The following SCML4 variants were observed in gnomAD, a reference collection of about 807,000 sequenced individuals.
The protein encoded by SCML4 is sex comb on midleg-like protein 4.
A neutral mutation model predicts 41.1 loss-of-function variants in SCML4; 34 were observed. The observed-to-expected ratio is 0.83, with a 90% CI of 0.63 to 1.10. The LOEUF (loss-of-function observed/expected upper bound fraction) is 1.10, where lower values mean the gene tolerates loss of function less well. Ranked by LOEUF, SCML4 falls within the 50% of genes least tolerant of loss-of-function variation. The pLI, the probability that SCML4 is intolerant of heterozygous loss-of-function variation, is 0.00. For missense variants in SCML4, 522 were observed against 534.1 expected, an observed-to-expected ratio of 0.98 and a Z score of 0.22; for synonymous variants, 214 against 220.9, an observed-to-expected ratio of 0.97 and a Z score of 0.28.
At chr6:107,724,242 C>G (rs1775730128) in intron 5 of SCML4, among the ~76,000 whole-genome samples, 1 of 152,118 alleles carries the variant, frequency 6.6e-6, no homozygotes, top group South Asian at 2.1e-4. Flanking sequence ...CCCCCAAGAT[C>G]AGGAACAAAA....
At chr6:107,732,197 C>T (rs1252058201) in intron 5 of SCML4, 1 of 152,314 alleles carries the variant, frequency 6.6e-6, no homozygotes, top group Non-Finnish European at 1.5e-5. Context: ...AAACTCAGTC[C>T]CGCCCCTTGT....
At chr6:107,817,867 T>G (rs889064470) in intron 1 of SCML4, among the ~76,000 whole-genome samples, 1 of 152,098 alleles carries the variant, frequency 6.6e-6, no homozygotes, top group African/African-American at 2.4e-5. Flanking sequence ...GAGCTTATAC[T>G]CACCTGGTCT....
At chr6:107,809,787 G>C (rs1784022875) in intron 1 of SCML4, among the ~76,000 whole-genome samples, 2 of 152,150 alleles carry the variant, frequency 1.3e-5, no homozygotes, top group African/African-American at 4.8e-5. Flanking sequence ...TTCAAAACCA[G>C]AACGCAGGTA....
upstream of SCML4, among the ~76,000 whole-genome samples, chr6:107,825,772 C>T (rs909322278): frequency 6.6e-6 from 1 of 151,196 alleles, no homozygotes; most frequent in Non-Finnish European, 1.5e-5. Flanking sequence ...CCCGTCTCTA[C>T]TAAAAATACA....
chr6:107,765,736 G>A (rs761983316), intron 2 of SCML4, among the ~76,000 whole-genome samples: 14 of 152,106 alleles, frequency 9.2e-5, no homozygotes, highest in Non-Finnish European at 2.1e-4. Context: ...ATTTCCAAGG[G>A]TTTGCTGCTG....
chr6:107,809,366 T>C (rs1177378139), intron 1 of SCML4, among the ~76,000 whole-genome samples: 3 of 152,190 alleles, frequency 2.0e-5, no homozygotes, highest in Admixed American at 1.3e-4. Context: ...AACTGCATCT[T>C]ATAAAGATAA....
intron 6 of SCML4, among the ~76,000 whole-genome samples, chr6:107,717,838 G>A (rs192654185): frequency 2.6e-5 from 4 of 152,336 alleles, no homozygotes; most frequent in African/African-American, 4.8e-5. Context: ...ATGAACCATC[G>A]TGCCTGGCTG....
intron 5 of SCML4, among the ~76,000 whole-genome samples, chr6:107,735,671 C>G (rs1436304452): frequency 1.3e-5 from 2 of 151,742 alleles, no homozygotes; most frequent in Non-Finnish European, 2.9e-5. Context: ...TGGTGGCAGG[C>G]TCCTGTAATC....
chr6:107,810,457 G>T (rs6938963), intron 1 of SCML4, among the ~76,000 whole-genome samples: 4,077 of 152,238 alleles, frequency 0.027, 147 homozygotes, highest in African/African-American at 0.083. Flanking sequence ...GTGGGAGCCA[G>T]AAAGGAAGAG....
At chr6:107,720,292 C>A (rs763539752) in intron 6 of SCML4, 34 of 823,932 alleles carry the variant, frequency 4.1e-5, no homozygotes, top group Non-Finnish European at 5.0e-5. Flanking sequence ...TTCTCCACAC[C>A]TTCTTTCCCT....
chr6:107,739,401 C>T (rs895380267), intron 5 of SCML4, among the ~76,000 whole-genome samples: 6 of 152,098 alleles, frequency 3.9e-5, no homozygotes, highest in Non-Finnish European at 5.9e-5. Context: ...CATCCCAGTT[C>T]TTTCCATAGT....
chr6:107,735,823 C>A (rs1777015530), intron 5 of SCML4, among the ~76,000 whole-genome samples: 1 of 151,370 alleles, frequency 6.6e-6, no homozygotes, highest in African/African-American at 2.4e-5. Flanking sequence ...AAATTATCAT[C>A]TTTACCATTT....
At chr6:107,746,493 TC>T in intron 4 of SCML4, 195 bp downstream of exon 4, 1 of 499,442 alleles carries the variant, frequency 2.0e-6, no homozygotes, top group Non-Finnish European at 3.5e-6. Context: ...AATCCAGTCT[TC>T]TTACCCGGGC....
At chr6:107,776,040 A>G (rs966824101) in intron 1 of SCML4, among the ~76,000 whole-genome samples, 1 of 152,178 alleles carries the variant, frequency 6.6e-6, no homozygotes, top group African/African-American at 2.4e-5. Flanking sequence ...AGAAACATTA[A>G]AAAGTCCTAA....
intron 1 of SCML4, among the ~76,000 whole-genome samples, chr6:107,788,142 G>C (rs928309443): frequency 6.6e-6 from 1 of 152,198 alleles, no homozygotes; most frequent in Non-Finnish European, 1.5e-5. Context: ...AATTGATTTT[G>C]TTTCTCCACA....
intron 7 of SCML4, among the ~76,000 whole-genome samples, chr6:107,707,523 T>G (rs1053921714): frequency 6.6e-6 from 1 of 152,206 alleles, no homozygotes; most frequent in Non-Finnish European, 1.5e-5. Context: ...GAACAGGTGC[T>G]ACTGCGGTTT....
In SCML4 at chr6:107,759,958, G is replaced by A. The variant is rs77368796; in HGVS notation, c.157-10145C>T. Among the ~76,000 whole-genome samples the A allele has an allele frequency of 1.3e-3, 201 of 152,192 alleles. 1 individual carries two copies. The highest frequency in any genetic ancestry group is 0.01 in the East Asian group (53 of 5,162). ...CTAGTCCTGGTTCTACTGCCAACTC[G>A]CACGGGACTCTGAGCAACTCACTCA... On this transcript the variant is annotated intron_variant, in intron 2 of 7. Transcript: ENST00000369020.
At chr6:107,780,783 G>A (rs573265468) in intron 1 of SCML4, among the ~76,000 whole-genome samples, 3 of 151,914 alleles carry the variant, frequency 2.0e-5, no homozygotes, top group East Asian at 3.9e-4. Flanking sequence ...ATATCTTGGG[G>A]ATAGAGAAGA....
At chr6:107,770,320 G>A (rs4946863) in intron 2 of SCML4, among the ~76,000 whole-genome samples, 146,489 of 152,144 alleles carry the variant, frequency 0.96, 70,751 homozygotes, top group Non-Finnish European at 1. Flanking sequence ...ATCCTTTAAG[G>A]GGAATCATTT....
Sources: allele counts gnomAD v4.1 joint callset (sites outside exome capture counted in the v4.1 genomes callset), GRCh38; gene constraint gnomAD v4.1.1; transcripts MANE v1.5; gene names NCBI Gene and HGNC (gene_info 2026-07-23, HGNC 2026-07-21).